PCDHGA9: variants seen among roughly 807,000 people sequenced by gnomAD.
The protein encoded by PCDHGA9 is protocadherin gamma subfamily A, 9, also known as protocadherin gamma-A9.
In PCDHGA9, 37 loss-of-function variants were observed where a neutral mutation model predicts 62.5. The ratio of observed to expected loss-of-function variants is 0.59; its 90% CI spans 0.46 to 0.78. PCDHGA9 has a LOEUF of 0.78. Ranked by LOEUF, PCDHGA9 falls within the 30% of genes least tolerant of loss-of-function variation. The probability of loss-of-function intolerance (pLI) is 0.00; values close to 1 mark genes in which losing one functional copy is unlikely to be tolerated. For synonymous variants in PCDHGA9, 459 were observed against 484.6 expected, an observed-to-expected ratio of 0.95 and a Z score of 0.69; for missense variants, 1,138 against 1,166.2, an observed-to-expected ratio of 0.98 and a Z score of 0.35.
intron 1 of PCDHGA9, chr5:141,419,932 C>T: frequency 6.2e-7 from 1 of 1,614,090 alleles, no homozygotes; most frequent in Non-Finnish European, 8.5e-7. Flanking sequence ...TGCAGTTTTA[C>T]CTGGTGGTGG....
chr5:141,434,072 A>G lies in PCDHGA9; in HGVS notation c.2424+28696A>G, dbSNP rs558084143. On this transcript the variant is annotated intron_variant, in intron 1 of 3. Coordinates refer to ENST00000573521, the MANE Select transcript of PCDHGA9 (RefSeq NM_018921.3). ...CAATGGCCTGTAATCTGTTAATATC[A>G]ATTATTTATTTTGATGCTGAAATTG... Among the ~76,000 whole-genome samples the G allele has an allele frequency of 1.9e-3, 289 of 152,072 alleles. 1 individual carries two copies. Among genetic ancestry groups the G allele is most frequent in the African/African-American group, 6.7e-3 (276 of 41,486 alleles).
chr5:141,503,400 A>C (rs2099819725), intron 2 of PCDHGA9, among the ~76,000 whole-genome samples: 1 of 151,750 alleles, frequency 6.6e-6, no homozygotes, highest in Non-Finnish European at 1.5e-5. Context: ...TTCGAAACCA[A>C]CCTGGCCAAT....
chr5:141,438,344 C>A (rs1591501799), intron 1 of PCDHGA9, among the ~76,000 whole-genome samples: 1 of 151,664 alleles, frequency 6.6e-6, no homozygotes, highest in African/African-American at 2.4e-5. Flanking sequence ...ATATAAGGAT[C>A]TACTCTGTGT....
At chr5:141,506,444 CAAAAAAAA>C (rs1219684339) in intron 3 of PCDHGA9, among the ~76,000 whole-genome samples, 24 of 95,024 alleles carry the variant, frequency 2.5e-4, no homozygotes, top group African/African-American at 9.5e-4. Flanking sequence ...CGCTCTGTCT[CAAAAAAAA>C]AAAAAAAAAA....
At chr5:141,413,980 A>C in intron 1 of PCDHGA9, 12 of 1,613,530 alleles carry the variant, frequency 7.4e-6, no homozygotes, top group Non-Finnish European at 1.0e-5. Flanking sequence ...GCTGACAGTC[A>C]CAGCCACCGA....
At position 141,490,440 on chromosome 5, in the gene PCDHGA9, T is replaced by C. The variant is rs560525159; in HGVS notation, c.2425-4367T>C. On this transcript the variant is annotated intron_variant, in intron 1 of 3. Transcript: ENST00000573521. This position sits in a 1 kb window ranked among gnomAD's most constrained non-coding sequence, Gnocchi z 5.4. ...ACCTGCCATTTCAGATTAAGCCTTC[T>C]GAGAACCACTACTCGCTGCTAACCA... 7 of 1,614,206 alleles carry C rather than the reference T, an allele frequency of 4.3e-6. No homozygotes were observed. Among genetic ancestry groups the C allele is most frequent in the Non-Finnish European group, 5.9e-6 (7 of 1,180,040 alleles).
At chr5:141,467,514 T>C (rs2154569535) in intron 1 of PCDHGA9, among the ~76,000 whole-genome samples, 1 of 152,362 alleles carries the variant, frequency 6.6e-6, no homozygotes, top group South Asian at 2.1e-4. Flanking sequence ...TTGGAGTTTA[T>C]TCTTTTGTGT....
At chr5:141,409,358 A>G (rs757614552) in intron 1 of PCDHGA9, 2 of 1,613,900 alleles carry the variant, frequency 1.2e-6, no homozygotes, top group Non-Finnish European at 8.5e-7. Flanking sequence ...CAGGTGTAAT[A>G]TAGAAACAGA....
rs1229623400 is a variant in PCDHGA9, at chr5:141,505,984, T to A, written c.2572+503T>A. 4.6e-5 allele frequency among the ~76,000 whole-genome samples: 7 copies of A among 152,198 alleles called. No homozygotes were observed. In the East Asian group the frequency reaches 1.4e-3, roughly 30 times the overall value. On this transcript the variant is annotated intron_variant, in intron 3 of 3. Coordinates refer to ENST00000573521, the MANE Select transcript of PCDHGA9 (RefSeq NM_018921.3). ...AGAAATCCCCAGCCGAGAGAACACC[T>A]CCTCTTTATGCGAGGCTCCTCTTTT...
intron 1 of PCDHGA9, chr5:141,408,042 C>T (rs2095031452): frequency 1.7e-6 from 2 of 1,204,046 alleles, no homozygotes; most frequent in Non-Finnish European, 2.2e-6. Flanking sequence ...AACCAGCTCC[C>T]ACACAGAGCC....
Position 141,485,660 on chromosome 5 carries a change from G to A in PCDHGA9, c.2425-9147G>A. On this transcript the variant is annotated intron_variant, in intron 1 of 3. Transcript: ENST00000573521. The surrounding 1 kb of genome is among the most constrained non-coding windows in gnomAD (Gnocchi z 5.7). ...GGAAAAGGCTCAGGATGCAGATGTG[G>A]GGAGCAATTCGATTAGCAGCTATAG... is the stretch of plus-strand genomic sequence containing the variant. 1 of 1,612,716 alleles carries A rather than the reference G, an allele frequency of 6.2e-7. No individual in the cohort carries two copies. Among genetic ancestry groups the A allele is most frequent in the Non-Finnish European group, 8.5e-7 (1 of 1,178,898 alleles).
chr5:141,415,113 C>T, intron 1 of PCDHGA9: 1 of 1,613,642 alleles, frequency 6.2e-7, no homozygotes, highest in Middle Eastern at 1.7e-4. Context: ...AGCAAAGCCT[C>T]GTAGTGGCCG....
chr5:141,451,676 G>A (rs1363843426), intron 1 of PCDHGA9, among the ~76,000 whole-genome samples: 1 of 152,142 alleles, frequency 6.6e-6, no homozygotes, highest in African/African-American at 2.4e-5. Flanking sequence ...GAGCCCAGGA[G>A]TTCAAGACCA....
At chr5:141,494,648 T>G in intron 1 of PCDHGA9, 159 bp from the exon 2 acceptor site, 1 of 946,506 alleles carries the variant, frequency 1.1e-6, no homozygotes, top group Non-Finnish European at 1.3e-6. Flanking sequence ...ACCTGAGGTG[T>G]ATTTTGTCTT....
intron 1 of PCDHGA9, among the ~76,000 whole-genome samples, chr5:141,469,492 T>C (rs1233507221): frequency 6.6e-6 from 1 of 152,038 alleles, no homozygotes; most frequent in Non-Finnish European, 1.5e-5. Flanking sequence ...GGAGAATCGC[T>C]TGAACCCGGG....
At chr5:141,483,660 G>T (rs943362284) in intron 1 of PCDHGA9, among the ~76,000 whole-genome samples, 4 of 152,094 alleles carry the variant, frequency 2.6e-5, no homozygotes, top group Admixed American at 2.0e-4. Flanking sequence ...GTGTGTGTGT[G>T]TGTGTGTGTA....
chr5:141,430,659 G>A, intron 1 of PCDHGA9: 1 of 1,110,600 alleles, frequency 9.0e-7, no homozygotes, highest in Non-Finnish European at 1.2e-6. Context: ...AACAACGGAG[G>A]AGCTCTGACT....
In PCDHGA9 at chr5:141,431,913, T is replaced by C; in HGVS notation, c.2424+26537T>C. The C allele has an allele frequency of 6.2e-7, 1 of 1,614,140 alleles. No individual in the cohort carries two copies. Among genetic ancestry groups the C allele is most frequent in the Admixed American group, 1.7e-5 (1 of 60,034 alleles). On this transcript the variant is annotated intron_variant, in intron 1 of 3. Transcript: ENST00000573521. This position sits in a 1 kb window ranked among gnomAD's most constrained non-coding sequence, Gnocchi z 4.8. The stretch of plus-strand genomic sequence containing the variant: ...GAGGAAAACGGACAGGTGATCTGTT[T>C]CATCCAAGGAAATCTGCCCTTTAAA...
In PCDHGA9 at chr5:141,472,879, G is replaced by A. The variant is rs541980402; in HGVS notation, c.2425-21928G>A. Among the ~76,000 whole-genome samples the A allele has an allele frequency of 3.3e-5, 5 of 151,694 alleles. No homozygotes were observed. The South Asian group carries it at 6.2e-4, about 19-fold the overall frequency. ...CACATGCCTGTATTCCCAGCTACTC[G>A]GGAGGCTGAGGCAGGAGAATTGCTT... On this transcript the variant is annotated intron_variant, in intron 1 of 3. Coordinates refer to ENST00000573521, the MANE Select transcript of PCDHGA9 (RefSeq NM_018921.3).
Sources: gnomAD v4.1 joint callset for allele counts (sites outside exome capture counted in the v4.1 genomes callset) on GRCh38, gnomAD v4.1.1 for gene constraint, Gnocchi (gnomAD v3.1) non-coding constraint, MANE v1.5 for transcripts, NCBI Gene and HGNC (gene_info 2026-07-23, HGNC 2026-07-21) for gene names.